Variants in PRKG1 observed in about 807,000 individuals in gnomAD.
The protein encoded by PRKG1 is protein kinase cGMP-dependent 1.
Under a neutral mutation model 88.1 loss-of-function variants are expected in PRKG1, and 35 were observed. The ratio of observed to expected loss-of-function variants is 0.40; its 90% CI spans 0.30 to 0.53. The LOEUF (loss-of-function observed/expected upper bound fraction) is 0.53. Among genes scored for constraint, PRKG1 ranks in the 20% least tolerant of loss-of-function variants. The pLI, the probability that PRKG1 is intolerant of heterozygous loss-of-function variation, is 0.59. For synonymous variants in PRKG1, 303 were observed against 292.5 expected, an observed-to-expected ratio of 1.04 and a Z score of -0.37; for missense variants, 540 against 839.8, an observed-to-expected ratio of 0.64 and a Z score of 4.41.
chr10:52,291,083 C>T (rs900613003), intron 17 of PRKG1, among the ~76,000 whole-genome samples: 7 of 151,292 alleles, frequency 4.6e-5, no homozygotes, highest in Non-Finnish European at 8.8e-5. Flanking sequence ...CCACCACTCC[C>T]AGCTAATTTT....
intron 2 of PRKG1, among the ~76,000 whole-genome samples, chr10:51,346,420 T>C (rs531954741): frequency 2.6e-5 from 4 of 152,358 alleles, no homozygotes; most frequent in African/African-American, 4.8e-5. Context: ...GTGAGAGTTA[T>C]AAAATACTGC....
intron 7 of PRKG1, among the ~76,000 whole-genome samples, chr10:52,066,476 A>G (rs905441728): frequency 6.6e-6 from 1 of 152,218 alleles, no homozygotes. Flanking sequence ...GAATAGATGA[A>G]CAAATGAACC....
rs553697906 is a variant in PRKG1 at position 51,424,936 on chromosome 10, T to C, written c.479-42787T>C. On this transcript the variant is annotated intron_variant, in intron 2 of 17. Transcript: ENST00000373980. ...ATGCGGATATACATTTTTAAAATTA[T>C]TTTCCTGATTGATTCTTTAATATTC... 1.3e-4 allele frequency among the ~76,000 whole-genome samples: 20 copies of C among 152,254 alleles called. No individual in the cohort carries two copies. The East Asian group carries it at 3.9e-3, about 29-fold the overall frequency.
At chr10:52,106,349 C>G (rs1423588224) in intron 7 of PRKG1, among the ~76,000 whole-genome samples, 1 of 152,096 alleles carries the variant, frequency 6.6e-6, no homozygotes, top group African/African-American at 2.4e-5. Context: ...AAACAGTGAA[C>G]AGTTTTGTTA....
chr10:51,538,378 A>G (rs896027866), intron 3 of PRKG1, among the ~76,000 whole-genome samples: 16 of 147,196 alleles, frequency 1.1e-4, no homozygotes, highest in Non-Finnish European at 1.8e-4. Flanking sequence ...TATATGATAT[A>G]CATTATTATA....
rs1361789044 is a variant in PRKG1, at chr10:51,262,113, C to G, written c.478+108783C>G. 4.0e-5 allele frequency among the ~76,000 whole-genome samples: 6 copies of G among 151,864 alleles called. No individual in the cohort carries two copies. In the East Asian group the frequency reaches 1.2e-3, roughly 29 times the overall value. ...GTGTTAGCCAGGATGGTCTCGATCT[C>G]CTGACCTCGTGATCCGCCCGCCTCG... On this transcript the variant is annotated intron_variant, in intron 2 of 17. Coordinates refer to ENST00000373980, the MANE Select transcript of PRKG1 (RefSeq NM_006258.4).
intron 3 of PRKG1, among the ~76,000 whole-genome samples, chr10:51,516,851 A>T (rs1387914111): frequency 6.6e-6 from 1 of 152,196 alleles, no homozygotes; most frequent in Non-Finnish European, 1.5e-5. Context: ...ACATTCGTTG[A>T]GCTTATATTT....
intron 5 of PRKG1, among the ~76,000 whole-genome samples, chr10:52,025,153 G>A (rs939022864): frequency 5.3e-5 from 8 of 152,210 alleles, no homozygotes; most frequent in South Asian, 4.1e-4. Context: ...CATTCATATC[G>A]TTTGCCCACT....
intron 3 of PRKG1, among the ~76,000 whole-genome samples, chr10:51,606,649 A>G (rs1333230928): frequency 6.6e-6 from 1 of 152,200 alleles, no homozygotes; most frequent in Non-Finnish European, 1.5e-5. Flanking sequence ...AAATCAAAGT[A>G]TGCCTGTTTA....
chr10:51,404,070 T>C (rs1474531201), intron 2 of PRKG1, among the ~76,000 whole-genome samples: 1 of 152,196 alleles, frequency 6.6e-6, no homozygotes, highest in Non-Finnish European at 1.5e-5. Flanking sequence ...CTAAAAAACA[T>C]TAGTGCATAG....
Position 52,294,147 on chromosome 10 carries a change from CA to C in PRKG1, c.*248del, listed in dbSNP as rs1200514237. On this transcript the variant is annotated 3_prime_UTR_variant, in exon 18 of 18. Transcript: ENST00000373980. ...GTGGTCCTGAAGCAAAGCCTTTCAC[CA>C]GTAAAAGATGTTTTCTATTGTTGCA... is the stretch of plus-strand genomic sequence containing the variant. 1 of 372,708 alleles carries C rather than the reference CA, an allele frequency of 2.7e-6. No homozygotes were observed. Among genetic ancestry groups the C allele is most frequent in the African/African-American group, 3.2e-5 (1 of 31,602 alleles). 23.1% of individuals were successfully genotyped at this position (372,708 alleles called of 1,614,324 possible). A position where few individuals can be genotyped will look rare whatever the true frequency, so the allele number is the denominator to read the frequency against.
intron 2 of PRKG1, among the ~76,000 whole-genome samples, chr10:51,309,437 A>C (rs1841123610): frequency 6.6e-6 from 1 of 152,208 alleles, no homozygotes; most frequent in East Asian, 1.9e-4. Context: ...GACAAAGGAC[A>C]TGAATATGTA....
intron 2 of PRKG1, among the ~76,000 whole-genome samples, chr10:51,322,530 CA>C (rs1320474475): frequency 1.3e-5 from 2 of 152,140 alleles, no homozygotes; most frequent in Admixed American, 1.3e-4. Context: ...CAGATACAGA[CA>C]GAACGAGATA....
At chr10:51,045,370 G>A (rs1843475209) in intron 1 of PRKG1, among the ~76,000 whole-genome samples, 1 of 151,864 alleles carries the variant, frequency 6.6e-6, no homozygotes, top group Non-Finnish European at 1.5e-5. Flanking sequence ...CGCCCAGGCT[G>A]GAGTGCAGTG....
chr10:52,265,440 T>G (rs553937764), intron 10 of PRKG1, among the ~76,000 whole-genome samples: 1 of 152,198 alleles, frequency 6.6e-6, no homozygotes, highest in Non-Finnish European at 1.5e-5. Flanking sequence ...CCAAAATAAT[T>G]AAGATATTGA....
chr10:52,018,028 C>CCAT (rs1845086958), intron 5 of PRKG1, among the ~76,000 whole-genome samples: 1 of 151,990 alleles, frequency 6.6e-6, no homozygotes, highest in African/African-American at 2.4e-5. Flanking sequence ...CATCGATTTG[C>CCAT]CTAATTACGC....
chr10:51,806,106 T>C (rs1348222827), intron 4 of PRKG1, among the ~76,000 whole-genome samples: 1 of 152,140 alleles, frequency 6.6e-6, no homozygotes, highest in East Asian at 1.9e-4. Flanking sequence ...GAATGAATAT[T>C]CACTTTAAGC....
chr10:51,946,789 G>C (rs546699036), intron 5 of PRKG1, among the ~76,000 whole-genome samples: 1 of 152,130 alleles, frequency 6.6e-6, no homozygotes, highest in East Asian at 1.9e-4. Context: ...TTCATGAACC[G>C]CGAATGCTGC....
chr10:51,656,212 T>C (rs1041521082), intron 3 of PRKG1, among the ~76,000 whole-genome samples: 2 of 152,196 alleles, frequency 1.3e-5, no homozygotes, highest in Non-Finnish European at 1.5e-5. Context: ...TCTTGTTAAG[T>C]GAACTTTTCT....
Sources: allele counts gnomAD v4.1 joint callset (sites outside exome capture counted in the v4.1 genomes callset), GRCh38; gene constraint gnomAD v4.1.1; transcripts MANE v1.5; gene names NCBI Gene and HGNC (gene_info 2026-07-23, HGNC 2026-07-21).